Variants in CCP110 observed in about 807,000 individuals in gnomAD.
CCP110 encodes the protein centriolar coiled-coil protein of 110 kDa.
A neutral mutation model predicts 105.5 loss-of-function variants in CCP110; 43 were observed. The ratio of observed to expected loss-of-function variants is 0.41; its 90% CI spans 0.32 to 0.53. The LOEUF (loss-of-function observed/expected upper bound fraction) is 0.53. Among genes scored for constraint, CCP110 ranks in the 20% least tolerant of loss-of-function variants. The pLI is 0.32. For missense variants in CCP110, 1,016 were observed against 1,189.1 expected (o/e 0.85, Z 2.14); for synonymous variants, 353 against 392.1 (o/e 0.90, Z 1.18).
chr16:19,531,472 C>T (rs1174421574), intron 2 of CCP110, among the ~76,000 whole-genome samples: 1 of 152,114 alleles, frequency 6.6e-6, no homozygotes, highest in Non-Finnish European at 1.5e-5. Context: ...AGAAGCCTTC[C>T]ATTTTTTAGG....
At chr16:19,532,696 G>A (rs985953230) in intron 3 of CCP110, 152 bp downstream of exon 3, 3 of 611,444 alleles carry the variant, frequency 4.9e-6, no homozygotes, top group Admixed American at 3.7e-5. Context: ...TTCCATTTCA[G>A]TTACTCCAAA....
At chr16:19,546,077 A>C in intron 11 of CCP110, 187 bp downstream of exon 11, 1 of 552,748 alleles carries the variant, frequency 1.8e-6, no homozygotes, top group Non-Finnish European at 3.2e-6. Flanking sequence ...TCTTAGATGA[A>C]TTTATTTACT....
chr16:19,552,730 C>G (rs143201183), exon 15 of CCP110: 1 of 152,010 alleles, frequency 6.6e-6, no homozygotes, highest in African/African-American at 2.4e-5. Flanking sequence ...TATATATATT[C>G]TTAATATCCT....
At chr16:19,550,308 T>C (rs1218782960) in intron 14 of CCP110, among the ~76,000 whole-genome samples, 1 of 152,088 alleles carries the variant, frequency 6.6e-6, no homozygotes, top group African/African-American at 2.4e-5. Context: ...CGTGCCACCA[T>C]GCCCAGCTAA....
chr16:19,532,515 C>A, exon 3 of CCP110: 2 of 1,609,450 alleles, frequency 1.2e-6, no homozygotes, highest in Admixed American at 1.7e-5. Flanking sequence ...TTTACTGACT[C>A]GTGTCCAGGA....
At chr16:19,545,031 A>G (rs965835815) in intron 9 of CCP110, 63 bp from the exon 10 acceptor site, 6 of 1,042,192 alleles carry the variant, frequency 5.8e-6, no homozygotes, top group Non-Finnish European at 8.8e-6. Context: ...CATGGTATAT[A>G]GTATTCCTGA....
chr16:19,532,261 C>G (rs1969896108), intron 2 of CCP110, among the ~76,000 whole-genome samples, 155 bp from the exon 3 acceptor site: 1 of 152,174 alleles, frequency 6.6e-6, no homozygotes. Context: ...CTCTAATGCC[C>G]CATCCCACTC....
At chr16:19,533,906 TC>T (rs1969961033) in intron 3 of CCP110, among the ~76,000 whole-genome samples, 1 of 152,236 alleles carries the variant, frequency 6.6e-6, no homozygotes, top group African/African-American at 2.4e-5. Context: ...CTTTACTTTT[TC>T]CTTTGACATG....
At chr16:19,552,618 C>G (rs927910051) in exon 15 of CCP110, 1 of 151,752 alleles carries the variant, frequency 6.6e-6, no homozygotes, top group African/African-American at 2.4e-5. Context: ...TTTATCATAC[C>G]ATTTCCAAAA....
exon 4 of CCP110, chr16:19,536,527 C>T (rs1315143503): frequency 1.2e-6 from 2 of 1,613,968 alleles, no homozygotes; most frequent in Admixed American, 3.3e-5. Context: ...AACACTGTGT[C>T]TCAGTTATTC....
chr16:19,530,404 G>A (rs923724580), intron 2 of CCP110, among the ~76,000 whole-genome samples: 6 of 151,434 alleles, frequency 4.0e-5, no homozygotes, highest in South Asian at 2.1e-4. Context: ...AGGGCTGGGC[G>A]GGGTGGCTCA....
intron 1 of CCP110, among the ~76,000 whole-genome samples, chr16:19,527,503 A>G (rs771731868): frequency 2.6e-5 from 4 of 152,170 alleles, no homozygotes; most frequent in Admixed American, 6.5e-5. Context: ...TCTTGTGTAG[A>G]TAAGTCCTGT....
intron 2 of CCP110, among the ~76,000 whole-genome samples, chr16:19,531,693 C>T (rs935316815): frequency 1.9e-4 from 29 of 152,158 alleles, no homozygotes; most frequent in Admixed American, 1.2e-3. Context: ...ATGGGCCAGG[C>T]GCGGTGGCTC....
intron 1 of CCP110, chr16:19,525,973 C>T (rs1047703580): frequency 1.3e-5 from 2 of 152,344 alleles, no homozygotes; most frequent in African/African-American, 4.8e-5. Context: ...ATATCCAAGC[C>T]GAGACTGAAG....
At chr16:19,534,393 A>G (rs928925906) in intron 3 of CCP110, among the ~76,000 whole-genome samples, 24 of 152,222 alleles carry the variant, frequency 1.6e-4, no homozygotes, top group Non-Finnish European at 1.6e-4. Context: ...ATATAATACA[A>G]TTAGATTTCT....
exon 4 of CCP110, chr16:19,537,456 A>G (rs1484542524): frequency 3.1e-6 from 5 of 1,612,970 alleles, no homozygotes; most frequent in East Asian, 4.5e-5. Context: ...GATGGTTTGC[A>G]AAAAGAAAAC....
rs1404792561 is a variant in CCP110 at position 19,548,517 on chromosome 16, C to G, written c.2903C>G (p.Thr968Ser). Residue 968 changes from threonine (T) to serine (S), a missense_variant and splice_region_variant, in exon 14 of 15, where the codon ACC (threonine) becomes AGC (serine). Transcript: ENST00000381396. The surrounding 1 kb of genome is among the most constrained non-coding windows in gnomAD (Gnocchi z 4.1). ...TTAATTTTTTTATATTCAATTAGAA[C>G]CCCTAAGACATCAGTGAAGGGGGTT... 3.2e-6 allele frequency: 5 copies of G among 1,539,022 alleles called. No homozygotes were observed. In the East Asian group the frequency reaches 1.2e-4, roughly 38 times the overall value.
At chr16:19,528,475 A>G (rs565651542) in intron 2 of CCP110, among the ~76,000 whole-genome samples, 1 of 152,342 alleles carries the variant, frequency 6.6e-6, no homozygotes, top group Admixed American at 6.5e-5. Context: ...TCTATTTTAT[A>G]AACTCTCATA....
exon 4 of CCP110, chr16:19,537,213 C>A: frequency 6.2e-7 from 1 of 1,614,140 alleles, no homozygotes. Context: ...CAGTGTATAG[C>A]AAGTCCAAAC....
Sources: gnomAD v4.1 joint callset for allele counts (sites outside exome capture counted in the v4.1 genomes callset) on GRCh38, gnomAD v4.1.1 for gene constraint, Gnocchi (gnomAD v3.1) non-coding constraint, MANE v1.5 for transcripts, NCBI Gene and HGNC (gene_info 2026-07-23, HGNC 2026-07-21) for gene names.